Variants in SORCS1 observed in about 807,000 individuals in gnomAD.
SORCS1 encodes the protein sortilin related VPS10 domain containing receptor 1, also known as VPS10 domain-containing receptor SorCS1.
Under a neutral mutation model 146.1 loss-of-function variants are expected in SORCS1, and 60 were observed. The observed-to-expected ratio is 0.41, with a 90% CI of 0.33 to 0.51. SORCS1 has a LOEUF of 0.51. Ranked by LOEUF, SORCS1 falls within the 20% of genes least tolerant of loss-of-function variation. SORCS1 has a pLI of 0.21. For missense variants in SORCS1, 1,352 were observed against 1,487.6 expected (o/e 0.91, Z 1.50); for synonymous variants, 637 against 584.0 (o/e 1.09, Z -1.31).
intron 3 of SORCS1, among the ~76,000 whole-genome samples, chr10:106,802,833 C>T (rs1946976331): frequency 6.6e-6 from 1 of 151,974 alleles, no homozygotes; most frequent in South Asian, 2.1e-4. Flanking sequence ...CAGGGTTTCA[C>T]CATGTTGGCC....
intron 1 of SORCS1, among the ~76,000 whole-genome samples, chr10:107,063,678 T>C (rs1301084866): frequency 6.6e-6 from 1 of 152,232 alleles, no homozygotes; most frequent in Non-Finnish European, 1.5e-5. Flanking sequence ...ATTTGAGTTT[T>C]CATTTTTGTG....
intron 5 of SORCS1, among the ~76,000 whole-genome samples, chr10:106,748,620 T>G (rs2136161333): frequency 6.6e-6 from 1 of 151,498 alleles, no homozygotes; most frequent in Non-Finnish European, 1.5e-5. Flanking sequence ...CATTTTTTTT[T>G]GCTGATACAT....
intron 1 of SORCS1, among the ~76,000 whole-genome samples, chr10:107,162,614 A>C (rs1336579584): frequency 1.3e-5 from 2 of 152,328 alleles, no homozygotes; most frequent in East Asian, 3.9e-4. Flanking sequence ...GGACAGATAC[A>C]TCAATGCTAA....
At chr10:107,036,550 C>T (rs1238928709) in intron 1 of SORCS1, among the ~76,000 whole-genome samples, 1 of 152,136 alleles carries the variant, frequency 6.6e-6, no homozygotes, top group Non-Finnish European at 1.5e-5. Flanking sequence ...AGTCCTCTGC[C>T]CACCAAGCCT....
intron 1 of SORCS1, among the ~76,000 whole-genome samples, chr10:106,980,978 ATTTG>A (rs1266815687): frequency 4.7e-5 from 7 of 149,216 alleles, no homozygotes; most frequent in African/African-American, 1.7e-4. Context: ...TGAAGGTTTC[ATTTG>A]TTTATGAGGA....
intron 1 of SORCS1, among the ~76,000 whole-genome samples, chr10:106,975,338 T>C (rs1476458709): frequency 6.6e-6 from 1 of 152,218 alleles, no homozygotes; most frequent in Non-Finnish European, 1.5e-5. Flanking sequence ...CACTGAGAAA[T>C]GTCATGAATC....
At chr10:106,670,842 C>T (rs529044038) in intron 16 of SORCS1, among the ~76,000 whole-genome samples, 20 of 151,866 alleles carry the variant, frequency 1.3e-4, no homozygotes, top group South Asian at 4.2e-4. Context: ...TACAGGTGTC[C>T]GCCACTATGC....
At chr10:106,739,525 C>G (rs1174328560) in intron 5 of SORCS1, among the ~76,000 whole-genome samples, 1 of 148,434 alleles carries the variant, frequency 6.7e-6, no homozygotes, top group Non-Finnish European at 1.5e-5. Context: ...AAATTTAAAC[C>G]AGGCCGGGCG....
intron 2 of SORCS1, among the ~76,000 whole-genome samples, chr10:106,889,547 A>G (rs1485452860): frequency 1.3e-5 from 2 of 152,028 alleles, no homozygotes; most frequent in African/African-American, 2.4e-5. Flanking sequence ...GCAGATCACA[A>G]GGTCAGGAGA....
chr10:106,959,597 C>T (rs988311990), intron 1 of SORCS1, among the ~76,000 whole-genome samples: 2 of 152,142 alleles, frequency 1.3e-5, no homozygotes, highest in African/African-American at 4.8e-5. Flanking sequence ...AATGAAATTG[C>T]CTCCCTATTC....
intron 23 of SORCS1, among the ~76,000 whole-genome samples, chr10:106,599,801 T>G (rs1003767368): frequency 4.0e-5 from 6 of 151,830 alleles, no homozygotes; most frequent in African/African-American, 1.5e-4. Context: ...GTTGGAGTCT[T>G]GCTCTTGTCG....
chr10:106,616,325 C>A (rs1227881238), intron 21 of SORCS1, among the ~76,000 whole-genome samples: 1 of 152,018 alleles, frequency 6.6e-6, no homozygotes, highest in African/African-American at 2.4e-5. Context: ...AAAAAAAAAT[C>A]CAGTGAAAAT....
rs775497004 is a variant in SORCS1 at position 106,597,402 on chromosome 10, C to T, written c.3214G>A (p.Glu1072Lys). Residue 1072 changes from glutamate (E) to lysine (K), a missense_variant, in exon 24 of 26, where the codon GAG becomes AAG. Glu to Lys is a moderately conservative substitution (Grantham distance 56). Coordinates refer to ENST00000263054, the MANE Select transcript of SORCS1 (RefSeq NM_052918.5). The stretch of plus-strand genomic sequence containing the variant: ...AGGACTCGGACTCCTGGCTTCAGCT[C>T]GAAGTGTACTGAGTTTTGGTTGAGC... ...HTLNQNSVHF[E>K]LKPGVRVLVH... 19 of 1,613,786 alleles carry T rather than the reference C, an allele frequency of 1.2e-5. No homozygotes were observed. Among genetic ancestry groups the T allele is most frequent in the African/African-American group, 5.3e-5 (4 of 74,902 alleles).
chr10:107,102,955 T>C (rs1014320089), intron 1 of SORCS1, among the ~76,000 whole-genome samples: 1 of 152,144 alleles, frequency 6.6e-6, no homozygotes, highest in African/African-American at 2.4e-5. Flanking sequence ...CTATCAATCT[T>C]CCGTCTTCAG....
intron 2 of SORCS1, among the ~76,000 whole-genome samples, chr10:106,946,749 T>A (rs946963869): frequency 6.6e-6 from 1 of 152,218 alleles, no homozygotes; most frequent in South Asian, 2.1e-4. Flanking sequence ...TTTAGCACAC[T>A]TCTGTAACTA....
intron 3 of SORCS1, among the ~76,000 whole-genome samples, chr10:106,805,875 G>T (rs902378308): frequency 3.3e-5 from 5 of 151,072 alleles, no homozygotes; most frequent in Admixed American, 2.6e-4. Flanking sequence ...TGGCTAATAC[G>T]GTGAAACCCC....
chr10:106,649,264 G>A (rs914772017), intron 18 of SORCS1, among the ~76,000 whole-genome samples: 8 of 152,072 alleles, frequency 5.3e-5, no homozygotes, highest in Admixed American at 3.9e-4. Context: ...GGTAGCAAAC[G>A]CCTACTGGGG....
At chr10:106,665,385 TCTC>T (rs1162507778) in intron 17 of SORCS1, among the ~76,000 whole-genome samples, 3 of 148,198 alleles carry the variant, frequency 2.0e-5, no homozygotes, top group African/African-American at 7.5e-5. Context: ...TTTTTCTCTC[TCTC>T]TTTTTTTTTT....
At chr10:106,860,847 A>G (rs1202876030) in intron 2 of SORCS1, among the ~76,000 whole-genome samples, 3 of 152,166 alleles carry the variant, frequency 2.0e-5, no homozygotes, top group Non-Finnish European at 2.9e-5. Flanking sequence ...TCAATTTTTT[A>G]TTAGAATGAG....
Sources: gnomAD v4.1 joint callset for allele counts (sites outside exome capture counted in the v4.1 genomes callset) on GRCh38, gnomAD v4.1.1 for gene constraint, MANE v1.5 for transcripts, NCBI Gene and HGNC (gene_info 2026-07-23, HGNC 2026-07-21) for gene names.